The following RBFOX3 variants were observed in gnomAD, a reference collection of about 807,000 sequenced individuals.
RBFOX3 encodes RNA binding protein fox-1 homolog 3.
Under a neutral mutation model 48.7 loss-of-function variants are expected in RBFOX3, and 17 were observed. The ratio of observed to expected loss-of-function variants is 0.35; its 90% CI spans 0.24 to 0.52. RBFOX3 has a LOEUF of 0.52. Among genes scored for constraint, RBFOX3 ranks in the 20% least tolerant of loss-of-function variants. The pLI, the probability that RBFOX3 is intolerant of heterozygous loss-of-function variation, is 0.94. For synonymous variants in RBFOX3, 212 were observed against 209.5 expected (o/e 1.01, Z -0.10); for missense variants, 382 against 497.5 (o/e 0.77, Z 2.21).
At chr17:79,466,522 G>A (rs868956853) in intron 2 of RBFOX3, among the ~76,000 whole-genome samples, 1 of 152,274 alleles carries the variant, frequency 6.6e-6, no homozygotes, top group African/African-American at 2.4e-5. Context: ...GGGACCTTGG[G>A]AGGGTCACCT....
intron 2 of RBFOX3, among the ~76,000 whole-genome samples, chr17:79,313,827 A>C (rs970381675): frequency 2.0e-5 from 3 of 152,158 alleles, no homozygotes; most frequent in Non-Finnish European, 4.4e-5. Flanking sequence ...TCTTGAGCCC[A>C]CCACAACCCC....
chr17:79,403,480 A>G (rs971148730), intron 2 of RBFOX3, among the ~76,000 whole-genome samples: 4 of 152,278 alleles, frequency 2.6e-5, no homozygotes, highest in African/African-American at 9.6e-5. Flanking sequence ...AGAGCTCAGG[A>G]ATAATCCGTG....
intron 4 of RBFOX3, among the ~76,000 whole-genome samples, chr17:79,215,312 T>C (rs2058897671): frequency 6.6e-6 from 1 of 152,158 alleles, no homozygotes; most frequent in Non-Finnish European, 1.5e-5. Context: ...TGCAGCCCCG[T>C]CAACCAAAGA....
intron 3 of RBFOX3, among the ~76,000 whole-genome samples, chr17:79,265,263 C>T (rs1433300734): frequency 6.6e-6 from 1 of 152,210 alleles, no homozygotes; most frequent in Non-Finnish European, 1.5e-5. Context: ...AAATGTAATG[C>T]CGTGTCCTCC....
At chr17:79,261,817 G>A (rs2065834342) in intron 3 of RBFOX3, among the ~76,000 whole-genome samples, 1 of 152,168 alleles carries the variant, frequency 6.6e-6, no homozygotes, top group Non-Finnish European at 1.5e-5. Flanking sequence ...CCCCCAGAGC[G>A]GCTTCCCCTC....
intron 4 of RBFOX3, among the ~76,000 whole-genome samples, chr17:79,124,258 T>C (rs1457031303): frequency 1.3e-5 from 2 of 152,218 alleles, no homozygotes; most frequent in African/African-American, 4.8e-5. Context: ...AGAGGGTTGT[T>C]AGACATTTAC....
intron 4 of RBFOX3, among the ~76,000 whole-genome samples, chr17:79,211,631 G>A (rs906188674): frequency 6.6e-6 from 1 of 152,124 alleles, no homozygotes; most frequent in African/African-American, 2.4e-5. Flanking sequence ...CAGACTCCGG[G>A]GGGCTGGACA....
upstream of RBFOX3, among the ~76,000 whole-genome samples, chr17:79,615,195 G>A (rs977260910): frequency 1.3e-5 from 2 of 152,194 alleles, no homozygotes; most frequent in African/African-American, 4.8e-5. Context: ...CTGATGGCAA[G>A]TGATTTCTGG....
chr17:79,659,556 G>A, the RBFOX3 span, among the ~76,000 whole-genome samples: 1 of 152,006 alleles, frequency 6.6e-6, no homozygotes, highest in Non-Finnish European at 1.5e-5. Flanking sequence ...CATAGGCCAG[G>A]GCAGGTGGTG....
At chr17:79,352,248 C>T (rs1468952587) in intron 2 of RBFOX3, among the ~76,000 whole-genome samples, 2 of 152,106 alleles carry the variant, frequency 1.3e-5, no homozygotes, top group African/African-American at 4.8e-5. Context: ...CAGCACCAAC[C>T]CCCTAGTGCT....
chr17:79,572,710 C>T (rs1331294101), intron 1 of RBFOX3, among the ~76,000 whole-genome samples: 1 of 152,216 alleles, frequency 6.6e-6, no homozygotes, highest in African/African-American at 2.4e-5. Context: ...TGGCCTACAG[C>T]GGTTTGCAAA....
intron 4 of RBFOX3, among the ~76,000 whole-genome samples, chr17:79,226,884 T>C (rs2060371037): frequency 6.6e-6 from 1 of 152,224 alleles, no homozygotes; most frequent in African/African-American, 2.4e-5. Flanking sequence ...AGCGTGAGAC[T>C]GGATAAGGAC....
intron 4 of RBFOX3, among the ~76,000 whole-genome samples, chr17:79,176,746 A>G (rs2050635241): frequency 6.6e-6 from 1 of 152,008 alleles, no homozygotes; most frequent in Non-Finnish European, 1.5e-5. Flanking sequence ...CCTGAAGGAG[A>G]GAAGCAGAGA....
chr17:79,439,443 G>A (rs1266786152), intron 2 of RBFOX3, among the ~76,000 whole-genome samples: 1 of 152,220 alleles, frequency 6.6e-6, no homozygotes. Flanking sequence ...CTCCCCTAAA[G>A]GCTCCATCCA....
the RBFOX3 span, among the ~76,000 whole-genome samples, chr17:79,628,037 C>T: frequency 6.6e-6 from 1 of 151,946 alleles, no homozygotes; most frequent in Non-Finnish European, 1.5e-5. Flanking sequence ...CTGCTCCCCG[C>T]CCAAGGGTCC....
At chr17:79,219,220 G>T (rs145284189) in intron 4 of RBFOX3, among the ~76,000 whole-genome samples, 1 of 152,206 alleles carries the variant, frequency 6.6e-6, no homozygotes, top group Non-Finnish European at 1.5e-5. Context: ...CCGGATGTGG[G>T]GTTGCCCCTG....
the RBFOX3 span, among the ~76,000 whole-genome samples, chr17:79,657,936 A>C: frequency 1.3e-5 from 2 of 152,176 alleles, no homozygotes; most frequent in Admixed American, 1.3e-4. Context: ...CTGGAGACAC[A>C]GAGGGCATCT....
chr17:79,394,610 G>A (rs771053361), intron 2 of RBFOX3, among the ~76,000 whole-genome samples: 4 of 152,240 alleles, frequency 2.6e-5, no homozygotes, highest in African/African-American at 7.2e-5. Flanking sequence ...AATGAAGGAC[G>A]TGAACTGGAA....
intron 2 of RBFOX3, among the ~76,000 whole-genome samples, chr17:79,349,317 C>T (rs1300675463): frequency 6.6e-6 from 1 of 152,112 alleles, no homozygotes; most frequent in East Asian, 1.9e-4. Context: ...ACTCGCACTC[C>T]TCTGCCCACT....
Sources: gnomAD v4.1 joint callset for allele counts (sites outside exome capture counted in the v4.1 genomes callset) on GRCh38, gnomAD v4.1.1 for gene constraint, MANE v1.5 for transcripts, NCBI Gene and HGNC (gene_info 2026-07-23, HGNC 2026-07-21) for gene names.